The following IL20RB variants were observed in gnomAD, a reference collection of about 807,000 sequenced individuals.
The protein encoded by IL20RB is interleukin-20 receptor subunit beta.
In IL20RB, 21 loss-of-function variants were observed where a neutral mutation model predicts 33.3. The ratio of observed to expected loss-of-function variants is 0.63; its 90% CI spans 0.45 to 0.91. IL20RB has a LOEUF of 0.91. IL20RB is among the 40% of genes least tolerant of loss of function. The pLI, the probability that IL20RB is intolerant of heterozygous loss-of-function variation, is 0.00. For synonymous variants in IL20RB, 147 were observed against 146.8 expected, an observed-to-expected ratio of 1.00 and a Z score of -0.01; for missense variants, 345 against 384.8, an observed-to-expected ratio of 0.90 and a Z score of 0.86.
chr3:136,997,758 T>C (rs564524481), intron 6 of IL20RB, among the ~76,000 whole-genome samples: 1 of 152,222 alleles, frequency 6.6e-6, no homozygotes, highest in African/African-American at 2.4e-5. Flanking sequence ...TGCCTTTAAA[T>C]TGGTATTTTT....
At chr3:136,996,131 G>A (rs1942122164) in intron 6 of IL20RB, among the ~76,000 whole-genome samples, 1 of 152,096 alleles carries the variant, frequency 6.6e-6, no homozygotes, top group Admixed American at 6.5e-5. Flanking sequence ...AGATCCTCAT[G>A]AGGTCAGAAT....
intron 4 of IL20RB, among the ~76,000 whole-genome samples, chr3:136,990,412 T>C (rs1310422910): frequency 5.3e-5 from 8 of 152,168 alleles, no homozygotes; most frequent in Admixed American, 5.2e-4. Flanking sequence ...GGGTCCCTGC[T>C]CTTGCACACT....
intron 2 of IL20RB, among the ~76,000 whole-genome samples, chr3:136,981,521 A>G (rs1941774900): frequency 6.6e-6 from 1 of 152,312 alleles, no homozygotes; most frequent in African/African-American, 2.4e-5. Flanking sequence ...CCTTTATATT[A>G]GATGGCCTGG....
At chr3:136,998,599 C>T (rs759550765) in intron 6 of IL20RB, among the ~76,000 whole-genome samples, 23 of 151,614 alleles carry the variant, frequency 1.5e-4, no homozygotes, top group South Asian at 6.2e-4. Context: ...TGCTTTCATT[C>T]TTGAAGGATA....
chr3:136,981,727 G>A (rs1327546352), intron 2 of IL20RB, among the ~76,000 whole-genome samples: 1 of 152,196 alleles, frequency 6.6e-6, no homozygotes, highest in Non-Finnish European at 1.5e-5. Flanking sequence ...TGAGAGAGAA[G>A]GCCAAAGCAT....
At chr3:136,979,059 T>A (rs1316205746) in intron 1 of IL20RB, among the ~76,000 whole-genome samples, 1 of 152,192 alleles carries the variant, frequency 6.6e-6, no homozygotes, top group Non-Finnish European at 1.5e-5. Flanking sequence ...GGCTAGAGAA[T>A]TTTTTTAAAA....
intron 5 of IL20RB, among the ~76,000 whole-genome samples, chr3:136,994,540 C>T (rs1942090739): frequency 6.6e-6 from 1 of 152,172 alleles, no homozygotes; most frequent in African/African-American, 2.4e-5. Context: ...CCCCCAGCCA[C>T]AAGTCCACCA....
chr3:136,958,620 C>A (rs1941107430), intron 1 of IL20RB, among the ~76,000 whole-genome samples: 1 of 152,160 alleles, frequency 6.6e-6, no homozygotes, highest in South Asian at 2.1e-4. Context: ...GTGAGCTTAA[C>A]ATTGGATACG....
At chr3:137,005,555 A>G (rs990522610) in intron 6 of IL20RB, among the ~76,000 whole-genome samples, 1 of 152,088 alleles carries the variant, frequency 6.6e-6, no homozygotes, top group African/African-American at 2.4e-5. Context: ...TTGTTGGTTT[A>G]ACGTCTGTTT....
intron 5 of IL20RB, among the ~76,000 whole-genome samples, 191 bp downstream of exon 5, chr3:136,992,279 C>A (rs1020797660): frequency 7.2e-5 from 11 of 152,216 alleles, no homozygotes; most frequent in African/African-American, 9.6e-5. Flanking sequence ...GGAGTCCACC[C>A]TGGGGCTGGG....
chr3:136,989,403 T>A lies in IL20RB; in HGVS notation c.407-38T>A, dbSNP rs1941985853. 1.9e-6 allele frequency: 3 copies of A among 1,611,522 alleles called. No individual in the cohort carries two copies. In the African/African-American group the frequency reaches 4.0e-5, roughly 22 times the overall value. ...GTGTTCCAGGGAAATCAACCCTGTC[T>A]GGGGCTGGCTTTGACTCTCCTGTTG... On this transcript the variant is annotated intron_variant, in intron 3 of 6. Transcript: ENST00000329582.
chr3:136,991,853 G>T, intron 4 of IL20RB, 85 bp from the exon 5 acceptor site: 24 of 1,437,628 alleles, frequency 1.7e-5, no homozygotes, highest in Non-Finnish European at 2.3e-5. Context: ...CAGGTGATCC[G>T]CCCGCCTCAG....
At chr3:136,966,202 T>C (rs1560065106) in intron 1 of IL20RB, among the ~76,000 whole-genome samples, 1 of 141,964 alleles carries the variant, frequency 7.0e-6, no homozygotes, top group African/African-American at 2.8e-5. Flanking sequence ...AGAATGATGC[T>C]GGCCTCATAA....
chr3:136,960,942 C>T (rs1282260940), intron 1 of IL20RB, among the ~76,000 whole-genome samples: 1 of 152,194 alleles, frequency 6.6e-6, no homozygotes, highest in Non-Finnish European at 1.5e-5. Flanking sequence ...GGACATCAGG[C>T]CCACTGAGCG....
At chr3:136,993,403 T>C (rs1355809534) in intron 5 of IL20RB, among the ~76,000 whole-genome samples, 2 of 152,216 alleles carry the variant, frequency 1.3e-5, no homozygotes, top group Non-Finnish European at 2.9e-5. Flanking sequence ...TCTTTTCATG[T>C]CAATACATAT....
In IL20RB at chr3:136,982,357, C is replaced by T. The variant is rs1941797746; in HGVS notation, c.406+7C>T. 3.8e-6 allele frequency: 6 copies of T among 1,563,272 alleles called. No individual in the cohort carries two copies. The African/African-American group carries it at 5.4e-5, about 14-fold the overall frequency. Reference sequence around the variant, plus strand: ...CCCTTTAATAGAAACTCAAGTAAGGCACTTCTCTCCTTACACTCCCACCCC... The same window carrying T: ...CCCTTTAATAGAAACTCAAGTAAGGTACTTCTCTCCTTACACTCCCACCCC... On this transcript the variant is annotated splice_region_variant and intron_variant, in intron 3 of 6. Transcript: ENST00000329582.
At chr3:136,974,177 GT>G (rs1941561219) in intron 1 of IL20RB, among the ~76,000 whole-genome samples, 1 of 151,780 alleles carries the variant, frequency 6.6e-6, no homozygotes, top group African/African-American at 2.4e-5. Flanking sequence ...GTGGATTTCT[GT>G]AGTGGTACCA....
intron 3 of IL20RB, among the ~76,000 whole-genome samples, chr3:136,987,306 G>A (rs1402927278): frequency 1.3e-5 from 2 of 152,046 alleles, no homozygotes; most frequent in Admixed American, 6.5e-5. Context: ...TAGATACAGA[G>A]TATAGACACA....
chr3:136,989,712 A>T (rs1291317388), intron 4 of IL20RB, 147 bp downstream of exon 4: 15 of 811,564 alleles, frequency 1.8e-5, no homozygotes, highest in Non-Finnish European at 2.5e-5. Flanking sequence ...GAGTATGCTG[A>T]CCACCCCATC....
Sources: gnomAD v4.1 joint callset for allele counts (sites outside exome capture counted in the v4.1 genomes callset) on GRCh38, gnomAD v4.1.1 for gene constraint, MANE v1.5 for transcripts, NCBI Gene and HGNC (gene_info 2026-07-23, HGNC 2026-07-21) for gene names.